The following ADRA1A variants were observed in gnomAD, a reference collection of about 807,000 sequenced individuals.
ADRA1A encodes adrenoceptor alpha 1A, also known as alpha-1A adrenergic receptor.
Under a neutral mutation model 29.6 loss-of-function variants are expected in ADRA1A, and 31 were observed. The ratio of observed to expected loss-of-function variants is 1.05; its 90% confidence interval spans 0.79 to 1.41. ADRA1A has a LOEUF of 1.41. Among genes scored for constraint, ADRA1A ranks in the 40% most tolerant of loss-of-function variants. The probability of loss-of-function intolerance (pLI) is 0.00; values close to 1 mark genes in which losing one functional copy is unlikely to be tolerated. For missense variants in ADRA1A, 619 were observed against 601.1 expected (o/e 1.03, Z -0.31); for synonymous variants, 311 against 254.3 (o/e 1.22, Z -2.12).
rs1393675168 is a variant in ADRA1A, at chr8:26,825,936, G to T, written c.883+38151C>A. 6.6e-6 allele frequency among the ~76,000 whole-genome samples: 1 copy of T among 152,210 alleles called. No individual in the cohort carries two copies. The highest frequency in any genetic ancestry group is 1.5e-5 in the Non-Finnish European group (1 of 68,042). On this transcript the variant is annotated intron_variant, in intron 2 of 2. Coordinates refer to ENST00000380573, the MANE Select transcript of ADRA1A (RefSeq NM_000680.4). This position sits in a 1 kb window ranked among gnomAD's most constrained non-coding sequence, Gnocchi z 5.7. The stretch of plus-strand genomic sequence containing the variant: ...TACAATGTCCCAAGTGCTGAGCTGG[G>T]CACTGGCCATGCCAAAAACACATAA...
chr8:26,792,482 T>G (rs1807905362), intron 2 of ADRA1A, among the ~76,000 whole-genome samples: 1 of 151,690 alleles, frequency 6.6e-6, no homozygotes. Context: ...CATCACCAAT[T>G]CTGGATAAAA....
At position 26,787,173 on chromosome 8, in the gene ADRA1A, T is replaced by G. The variant is rs1449094114; in HGVS notation, c.884-16507A>C. ...TTCTAGATGATGCTATCTGCGAATC[T>G]GTCACTGCTTTGCTGGCTTTATAGT... On this transcript the variant is annotated intron_variant, in intron 2 of 2. Coordinates refer to ENST00000380573, the MANE Select transcript of ADRA1A (RefSeq NM_000680.4). The surrounding 1 kb of genome is among the most constrained non-coding windows in gnomAD (Gnocchi z 4.2). 6.6e-6 allele frequency among the ~76,000 whole-genome samples: 1 copy of G among 152,198 alleles called. No homozygotes were observed. Among genetic ancestry groups the G allele is most frequent in the Admixed American group, 6.5e-5 (1 of 15,276 alleles).
chr8:26,785,796 A>G (rs1004695435), intron 2 of ADRA1A, among the ~76,000 whole-genome samples: 3 of 152,270 alleles, frequency 2.0e-5, no homozygotes, highest in East Asian at 3.9e-4. Flanking sequence ...TGATTCTGGC[A>G]TTTCCCATCT....
chr8:26,822,420 G>T (rs1563280664), intron 2 of ADRA1A, among the ~76,000 whole-genome samples: 1 of 152,186 alleles, frequency 6.6e-6, no homozygotes, highest in African/African-American at 2.4e-5. Flanking sequence ...GATCATTGAG[G>T]AAGTGAAGCT....
At chr8:26,780,940 T>C (rs1806939093) in intron 2 of ADRA1A, among the ~76,000 whole-genome samples, 2 of 151,894 alleles carry the variant, frequency 1.3e-5, no homozygotes, top group South Asian at 4.2e-4. Flanking sequence ...AGCTCAGGGC[T>C]CCCACTGATT....
intron 2 of ADRA1A, among the ~76,000 whole-genome samples, chr8:26,855,442 A>G (rs1812974720): frequency 6.6e-6 from 1 of 151,986 alleles, no homozygotes; most frequent in Non-Finnish European, 1.5e-5. Context: ...AAACTGCTGT[A>G]TAAAAAGTGG....
Position 26,806,299 on chromosome 8 carries a change from G to T in ADRA1A, c.884-35633C>A, listed in dbSNP as rs1475954262. On this transcript the variant is annotated intron_variant, in intron 2 of 2. Coordinates refer to ENST00000380573, the MANE Select transcript of ADRA1A (RefSeq NM_000680.4). This position sits in a 1 kb window ranked among gnomAD's most constrained non-coding sequence, Gnocchi z 4.6. ...CCAGAAGCTGGGTGTTTACACCAAA[G>T]ATTTTTTTTTTTTTTTCGAAAGCTG... Among the ~76,000 whole-genome samples, 1 of 145,416 alleles carries T rather than the reference G, an allele frequency of 6.9e-6. No individual in the cohort carries two copies. The highest frequency in any genetic ancestry group is 1.5e-5 in the Non-Finnish European group (1 of 67,314).
intron 2 of ADRA1A, among the ~76,000 whole-genome samples, chr8:26,749,255 G>A (rs1251256715): frequency 6.6e-6 from 1 of 152,160 alleles, no homozygotes; most frequent in Non-Finnish European, 1.5e-5. Context: ...GTTTGTTATG[G>A]CAACAACCCA....
At chr8:26,798,246 T>C (rs1399886789) in intron 2 of ADRA1A, among the ~76,000 whole-genome samples, 1 of 152,250 alleles carries the variant, frequency 6.6e-6, no homozygotes, top group African/African-American at 2.4e-5. Flanking sequence ...GCCAAAGTGC[T>C]GGGATTACAA....
At chr8:26,748,775 A>G (rs1257720674) in intron 2 of ADRA1A, 1 of 404,326 alleles carries the variant, frequency 2.5e-6, no homozygotes, top group Admixed American at 3.1e-5. Flanking sequence ...AAAAAAGTTG[A>G]AAAACTATTG....
rs1045288425 is a variant in ADRA1A at position 26,831,684 on chromosome 8, C to G, written c.883+32403G>C. Among the ~76,000 whole-genome samples, 1 of 152,222 alleles carries G rather than the reference C, an allele frequency of 6.6e-6. No individual in the cohort carries two copies. Among genetic ancestry groups the G allele is most frequent in the Non-Finnish European group, 1.5e-5 (1 of 68,028 alleles). On this transcript the variant is annotated intron_variant, in intron 2 of 2. Transcript: ENST00000380573. This position sits in a 1 kb window ranked among gnomAD's most constrained non-coding sequence, Gnocchi z 5.2. ...AGATCAGCCACATGCCAATTGTCTT[C>G]TTGTTTTCTTTCCAGGACAAGAAGA...
chr8:26,785,955 CACA>C (rs574061139), intron 2 of ADRA1A, among the ~76,000 whole-genome samples: 1 of 152,148 alleles, frequency 6.6e-6, no homozygotes, highest in Non-Finnish European at 1.5e-5. Context: ...CCTACTCAGC[CACA>C]ACACCTGTCA....
intron 2 of ADRA1A, among the ~76,000 whole-genome samples, chr8:26,797,285 TTTTTA>T (rs148419934): frequency 0.014 from 2,188 of 152,162 alleles, 69 homozygotes; most frequent in African/African-American, 0.05. Flanking sequence ...GGGTTTATTA[TTTTTA>T]TTTTATTTTA....
chr8:26,865,282 G>A lies in ADRA1A; in HGVS notation c.-313C>T, dbSNP rs1813827299. The A allele has an allele frequency of 1.6e-6, 2 of 1,237,640 alleles. No individual in the cohort carries two copies. Among genetic ancestry groups the A allele is most frequent in the Non-Finnish European group, 1.0e-6 (1 of 986,882 alleles). The allele number at this position is 1,237,640 out of a possible 1,614,324, so 76.7% of individuals were successfully genotyped here. The stretch of plus-strand genomic sequence containing the variant: ...GGACTCCCTCCCTACCCGAAGCTGG[G>A]TGCGAAGATCCAGGAGACTCCTTGC... On this transcript the variant is annotated 5_prime_UTR_variant, in exon 2 of 3. Coordinates refer to ENST00000380573, the MANE Select transcript of ADRA1A (RefSeq NM_000680.4). The surrounding 1 kb of genome is among the most constrained non-coding windows in gnomAD (Gnocchi z 7.6).
At chr8:26,768,507 C>T (rs1252985936), downstream of ADRA1A, among the ~76,000 whole-genome samples, 4 of 152,048 alleles carry the variant, frequency 2.6e-5, no homozygotes, top group Non-Finnish European at 5.9e-5. Context: ...ATCTGAAATC[C>T]GAAATGCTCT....
intron 2 of ADRA1A, among the ~76,000 whole-genome samples, chr8:26,778,631 C>A (rs1331291500): frequency 6.6e-6 from 1 of 152,114 alleles, no homozygotes; most frequent in Non-Finnish European, 1.5e-5. Flanking sequence ...AGGATGAGTT[C>A]ATGTCCTTTG....
intron 2 of ADRA1A, among the ~76,000 whole-genome samples, chr8:26,792,134 A>T (rs1384952799): frequency 6.6e-6 from 1 of 152,170 alleles, no homozygotes; most frequent in African/African-American, 2.4e-5. Flanking sequence ...AGCCATCAGG[A>T]TTGGAACCCA....
chr8:26,792,707 T>A (rs1466436645), intron 2 of ADRA1A, among the ~76,000 whole-genome samples: 3 of 147,590 alleles, frequency 2.0e-5, no homozygotes, highest in Non-Finnish European at 4.5e-5. Context: ...TAGATCAGTG[T>A]CTGGCACATA....
chr8:26,849,817 A>C (rs1812478541), intron 2 of ADRA1A, among the ~76,000 whole-genome samples: 1 of 152,180 alleles, frequency 6.6e-6, no homozygotes, highest in Non-Finnish European at 1.5e-5. Context: ...AATTGTATTC[A>C]AACAAGACTT....
Sources: allele counts gnomAD v4.1 joint callset (sites outside exome capture counted in the v4.1 genomes callset), GRCh38; gene constraint gnomAD v4.1.1; non-coding constraint Gnocchi (gnomAD v3.1); transcripts MANE v1.5; gene names NCBI Gene and HGNC (gene_info 2026-07-23, HGNC 2026-07-21).